Variants in DRC9 observed in about 807,000 individuals in gnomAD.
DRC9 encodes the protein dynein regulatory complex subunit 9.
the DRC9 span, among the ~76,000 whole-genome samples, chr3:197,904,943 A>G: frequency 6.6e-6 from 1 of 152,194 alleles, no homozygotes; most frequent in Non-Finnish European, 1.5e-5. Context: ...AACAATATAG[A>G]TGGAACTGAG....
chr3:197,904,099 TATATATATA>T, the DRC9 span, among the ~76,000 whole-genome samples: 19 of 52,586 alleles, frequency 3.6e-4, no homozygotes, highest in South Asian at 0.01. Context: ...TATATATATA[TATATATATA>T]TATTTTTTTT....
At chr3:197,938,774 T>C in the DRC9 span, 2 of 1,606,770 alleles carry the variant, frequency 1.2e-6, no homozygotes, top group East Asian at 4.5e-5. Flanking sequence ...TTCATTTCTC[T>C]GCTTTTCTTT....
chr3:197,948,661 A>C, the DRC9 span, among the ~76,000 whole-genome samples: 2 of 152,212 alleles, frequency 1.3e-5, no homozygotes, highest in African/African-American at 2.4e-5. Flanking sequence ...GACAGGGAAC[A>C]CTGGGTGGGG....
the DRC9 span, chr3:197,954,221 AGGACTTCTGT>A: frequency 6.6e-7 from 1 of 1,521,830 alleles, no homozygotes; most frequent in African/African-American, 1.4e-5. Context: ...TTGACTTCTG[AGGACTTCTGT>A]GGTTGTGAAA....
the DRC9 span, among the ~76,000 whole-genome samples, chr3:197,903,953 C>A: frequency 6.7e-6 from 1 of 149,796 alleles, no homozygotes; most frequent in Admixed American, 6.7e-5. Context: ...CTCTCTCTCT[C>A]TATGTGTATA....
the DRC9 span, among the ~76,000 whole-genome samples, chr3:197,910,213 T>C: frequency 2.6e-5 from 4 of 152,034 alleles, no homozygotes; most frequent in South Asian, 6.2e-4. Context: ...GGTGGGAGGA[T>C]CACTTGGGCC....
At chr3:197,918,848 G>A in the DRC9 span, among the ~76,000 whole-genome samples, 198 of 152,194 alleles carry the variant, frequency 1.3e-3, no homozygotes, top group African/African-American at 4.4e-3. Context: ...TGCTCTTGTC[G>A]TCCAGGCTGG....
the DRC9 span, chr3:197,957,474 T>C: frequency 6.5e-6 from 1 of 154,848 alleles, no homozygotes; most frequent in Non-Finnish European, 1.4e-5. Flanking sequence ...TTTTTTTTTT[T>C]TTTGAGACAG....
chr3:197,900,201 GACT>G, the DRC9 span, among the ~76,000 whole-genome samples: 1 of 152,184 alleles, frequency 6.6e-6, no homozygotes, highest in Admixed American at 6.5e-5. The surrounding 1 kb of genome is among the most constrained non-coding windows in gnomAD (Gnocchi z 4.7). Flanking sequence ...AGGCCAGGAG[GACT>G]ACGACCCTCT....
At chr3:197,925,933 G>T in the DRC9 span, 3 of 785,308 alleles carry the variant, frequency 3.8e-6, no homozygotes, top group Admixed American at 5.5e-5. Flanking sequence ...TCTTTTACAT[G>T]TAACTCTTCT....
chr3:197,954,285 C>A, the DRC9 span: 1 of 826,762 alleles, frequency 1.2e-6, no homozygotes, highest in Non-Finnish European at 2.0e-6. Flanking sequence ...TATTGCAGAA[C>A]ACTGGAGAGA....
At chr3:197,930,911 G>T in the DRC9 span, among the ~76,000 whole-genome samples, 5 of 151,890 alleles carry the variant, frequency 3.3e-5, no homozygotes, top group Admixed American at 6.6e-5. Context: ...GTGGGTGCCT[G>T]TAATCCCAGC....
chr3:197,916,599 A>G, the DRC9 span, among the ~76,000 whole-genome samples: 1 of 151,844 alleles, frequency 6.6e-6, no homozygotes, highest in Admixed American at 6.6e-5. Context: ...TTCTTTCTTG[A>G]GATAGGGTCC....
the DRC9 span, among the ~76,000 whole-genome samples, chr3:197,892,141 C>T: frequency 9.8e-5 from 15 of 152,330 alleles, no homozygotes; most frequent in African/African-American, 3.4e-4. Context: ...CTGCTCGCCT[C>T]GGCCTCCCAA....
chr3:197,932,120 G>C, the DRC9 span: 3 of 1,558,418 alleles, frequency 1.9e-6, no homozygotes, highest in African/African-American at 4.1e-5. Context: ...TCCAGTAAGA[G>C]TGTTTTAGCA....
the DRC9 span, chr3:197,949,910 A>T: frequency 2.5e-6 from 1 of 401,136 alleles, no homozygotes. Context: ...GCGTCCGGGG[A>T]CGCAGGAAGT....
the DRC9 span, among the ~76,000 whole-genome samples, chr3:197,941,041 T>C: frequency 6.6e-6 from 1 of 151,994 alleles, no homozygotes; most frequent in Non-Finnish European, 1.5e-5. Context: ...TATTCCATGA[T>C]GGCAAATTAC....
At chr3:197,902,752 T>G in the DRC9 span, among the ~76,000 whole-genome samples, 1 of 151,898 alleles carries the variant, frequency 6.6e-6, no homozygotes, top group Non-Finnish European at 1.5e-5. Context: ...AAATGTACAT[T>G]ACTACCCAAA....
chr3:197,908,554 CA>C, the DRC9 span, among the ~76,000 whole-genome samples: 1,337 of 146,864 alleles, frequency 9.1e-3, 30 homozygotes, highest in African/African-American at 0.033. Context: ...GAAGTTATCA[CA>C]GGGGTGACTG....
Sources: gnomAD v4.1 joint callset for allele counts (sites outside exome capture counted in the v4.1 genomes callset) on GRCh38, gnomAD v4.1.1 for gene constraint, Gnocchi (gnomAD v3.1) non-coding constraint, MANE v1.5 for transcripts, NCBI Gene and HGNC (gene_info 2026-07-23, HGNC 2026-07-21) for gene names.